Variants in MAML3 observed in about 807,000 individuals in gnomAD.
The protein encoded by MAML3 is mastermind-like protein 3.
In MAML3, 27 loss-of-function variants were observed where a neutral mutation model predicts 101.9. The ratio of observed to expected loss-of-function variants is 0.27; its 90% CI spans 0.20 to 0.37. The LOEUF (loss-of-function observed/expected upper bound fraction) is 0.37, where lower values mean the gene tolerates loss of function less well. MAML3 is among the 10% of genes least tolerant of loss of function. The pLI, the probability that MAML3 is intolerant of heterozygous loss-of-function variation, is 1.00. For missense variants in MAML3, 1,316 were observed against 1,444.9 expected, an observed-to-expected ratio of 0.91 and a Z score of 1.45; for synonymous variants, 501 against 555.9, an observed-to-expected ratio of 0.90 and a Z score of 1.39.
intron 1 of MAML3, among the ~76,000 whole-genome samples, chr4:139,997,880 T>A (rs936669800): frequency 2.0e-5 from 3 of 152,152 alleles, no homozygotes; most frequent in Non-Finnish European, 4.4e-5. Context: ...ATTCTTTTTT[T>A]TAAAAATGAG....
chr4:139,754,335 GA>G (rs1729599581), intron 2 of MAML3, among the ~76,000 whole-genome samples: 1 of 152,098 alleles, frequency 6.6e-6, no homozygotes, highest in Non-Finnish European at 1.5e-5. Flanking sequence ...GGACAACACA[GA>G]AAAATATAAA....
chr4:140,046,072 T>C (rs898570006), intron 1 of MAML3, among the ~76,000 whole-genome samples: 9 of 152,348 alleles, frequency 5.9e-5, no homozygotes, highest in African/African-American at 2.2e-4. Context: ...GAGTTATTTA[T>C]GCTATGGTCT....
chr4:139,896,009 T>C (rs1732597502), intron 1 of MAML3, among the ~76,000 whole-genome samples: 1 of 152,356 alleles, frequency 6.6e-6, no homozygotes, highest in Admixed American at 6.5e-5. Flanking sequence ...TGTTTTGTTA[T>C]GTCCAAAATA....
intron 1 of MAML3, among the ~76,000 whole-genome samples, chr4:139,914,240 T>C (rs1384835236): frequency 6.6e-6 from 1 of 152,196 alleles, no homozygotes; most frequent in Non-Finnish European, 1.5e-5. Flanking sequence ...ATGTGAAGCA[T>C]CTTTATACAT....
intron 2 of MAML3, among the ~76,000 whole-genome samples, chr4:139,737,371 G>A (rs1196022155): frequency 4.4e-5 from 4 of 90,404 alleles, no homozygotes; most frequent in Non-Finnish European, 7.9e-5. Context: ...TGGTGGTGGC[G>A]TCTCTGGGAT....
chr4:140,138,735 A>C (rs142667189), intron 1 of MAML3, among the ~76,000 whole-genome samples: 143 of 152,298 alleles, frequency 9.4e-4, no homozygotes, highest in Admixed American at 2.4e-3. Flanking sequence ...AGGAGCCAGG[A>C]ACAGAAGATG....
intron 1 of MAML3, among the ~76,000 whole-genome samples, chr4:140,008,383 G>C (rs1560864844): frequency 6.6e-6 from 1 of 152,050 alleles, no homozygotes; most frequent in Non-Finnish European, 1.5e-5. Flanking sequence ...AAGTGTTTTT[G>C]CATGGTGTTT....
chr4:139,800,773 A>C (rs1578607595), intron 2 of MAML3, among the ~76,000 whole-genome samples: 1 of 152,370 alleles, frequency 6.6e-6, no homozygotes, highest in East Asian at 1.9e-4. Flanking sequence ...CATTTGCCCA[A>C]AATGAATAAT....
chr4:139,907,893 G>A (rs1297815024), intron 1 of MAML3, among the ~76,000 whole-genome samples: 1 of 152,170 alleles, frequency 6.6e-6, no homozygotes, highest in Non-Finnish European at 1.5e-5. Context: ...GGGTCTGAAC[G>A]TGTCAGTTTG....
intron 1 of MAML3, among the ~76,000 whole-genome samples, chr4:140,088,510 C>A (rs533141431): frequency 1.3e-5 from 2 of 152,188 alleles, no homozygotes; most frequent in Non-Finnish European, 2.9e-5. Context: ...TTCCTCATTT[C>A]TGCCCAGACT....
rs1276386388 is a variant in MAML3 at position 140,153,181 on chromosome 4, C to T, written c.147G>A (p.Pro49=). Residue 49 remains proline (P), a synonymous_variant, in exon 1 of 5, where the codon CCG becomes CCA. Transcript: ENST00000509479. ...CGGAGCCGCCGCATCCACCGGCTGC[C>T]GGGTGATTGCTACTCGGAGCAGCGG... is the stretch of plus-strand genomic sequence containing the variant. ...STPAAPSSNH[P]AAGGCGGSGG... The T allele has an allele frequency of 1.3e-6, 2 of 1,552,444 alleles. No individual in the cohort carries two copies. The highest frequency in any genetic ancestry group is 8.7e-7 in the Non-Finnish European group (1 of 1,147,678).
At chr4:140,089,305 C>A (rs760732323) in intron 1 of MAML3, among the ~76,000 whole-genome samples, 1 of 152,080 alleles carries the variant, frequency 6.6e-6, no homozygotes, top group Non-Finnish European at 1.5e-5. Context: ...CAGATTTTGA[C>A]CAATAATAAT....
intron 1 of MAML3, among the ~76,000 whole-genome samples, chr4:140,069,459 A>AAGG: frequency 2.7e-5 from 2 of 74,426 alleles, no homozygotes; most frequent in African/African-American, 1.1e-4. Flanking sequence ...GAAGGAGGAG[A>AAGG]AGGAGAAGGA....
intron 1 of MAML3, chr4:140,127,959 T>G (rs1728710016): frequency 6.6e-6 from 1 of 152,216 alleles, no homozygotes; most frequent in African/African-American, 2.4e-5. Context: ...AGTGACCTAT[T>G]GTGACATCAA....
intron 1 of MAML3, among the ~76,000 whole-genome samples, chr4:139,967,715 A>G (rs1445902353): frequency 2.0e-5 from 3 of 152,164 alleles, no homozygotes; most frequent in Non-Finnish European, 4.4e-5. Context: ...TCTGGTTGGC[A>G]CAGGTTTGGA....
At chr4:140,024,170 C>T (rs1173158104) in intron 1 of MAML3, among the ~76,000 whole-genome samples, 1 of 151,808 alleles carries the variant, frequency 6.6e-6, no homozygotes, top group African/African-American at 2.4e-5. Flanking sequence ...GGATAAGTAA[C>T]TTGCCAAGGT....
chr4:139,928,457 C>A (rs13129525), intron 1 of MAML3, among the ~76,000 whole-genome samples: 57,851 of 151,930 alleles, frequency 0.38, 11,654 homozygotes, highest in East Asian at 0.64. Flanking sequence ...GGAGAAACAA[C>A]TAAATTGCTC....
chr4:139,912,574 A>G (rs1415332812), intron 1 of MAML3, among the ~76,000 whole-genome samples: 1 of 152,252 alleles, frequency 6.6e-6, no homozygotes, highest in Non-Finnish European at 1.5e-5. Flanking sequence ...ATCTTTGCAG[A>G]TGAAATTCAT....
At chr4:140,101,821 T>C (rs924254235) in intron 1 of MAML3, among the ~76,000 whole-genome samples, 3 of 151,690 alleles carry the variant, frequency 2.0e-5, no homozygotes, top group Non-Finnish European at 4.4e-5. Flanking sequence ...AATTAGTAAA[T>C]GCAATTCCAC....
Sources: allele counts gnomAD v4.1 joint callset (sites outside exome capture counted in the v4.1 genomes callset), GRCh38; gene constraint gnomAD v4.1.1; transcripts MANE v1.5; gene names NCBI Gene and HGNC (gene_info 2026-07-23, HGNC 2026-07-21).